Variants in TRNT1 observed in about 807,000 individuals in gnomAD.
TRNT1 encodes the protein CCA tRNA nucleotidyltransferase 1, mitochondrial.
Under a neutral mutation model 45.6 loss-of-function variants are expected in TRNT1, and 44 were observed. The ratio of observed to expected loss-of-function variants is 0.97; its 90% CI spans 0.76 to 1.24. The LOEUF is 1.24. TRNT1 is among the 50% of genes most tolerant of loss of function. TRNT1 has a pLI of 0.00. For synonymous variants in TRNT1, 201 were observed against 171.4 expected (o/e 1.17, Z -1.35); for missense variants, 633 against 504.4 (o/e 1.25, Z -2.44).
At chr3:3,132,744 A>AC (rs1491191206) in intron 2 of TRNT1, among the ~76,000 whole-genome samples, 3 of 124,198 alleles carry the variant, frequency 2.4e-5, no homozygotes, top group African/African-American at 9.5e-5. Flanking sequence ...AAAAAAAAAA[A>AC]CACAAAAAAA....
intron 2 of TRNT1, among the ~76,000 whole-genome samples, chr3:3,132,717 T>G (rs1575041981): frequency 1.1e-5 from 1 of 91,554 alleles, no homozygotes; most frequent in Non-Finnish European, 2.3e-5. Context: ...AAAAAAAACA[T>G]ATACCTATTG....
chr3:3,132,837 T>C (rs562449773), intron 2 of TRNT1, among the ~76,000 whole-genome samples: 40 of 151,664 alleles, frequency 2.6e-4, no homozygotes, highest in Admixed American at 2.4e-3. Context: ...GAGGTGGTGA[T>C]TGCTTCCAGA....
intron 5 of TRNT1, chr3:3,144,976 G>C (rs189532111): frequency 9.3e-6 from 2 of 215,670 alleles, no homozygotes; most frequent in Non-Finnish European, 1.8e-5. Flanking sequence ...TTTTCTTTTT[G>C]ATTGATATTT....
At position 3,148,070 on chromosome 3, in the gene TRNT1, A is replaced by G. The variant is rs1706182910; in HGVS notation, c.1221A>G (p.Leu407=). ...GISSGKEIGA[L]LQQLREQWKK... is the part of the protein sequence containing the mutation. ...CTTCAGGAAAAGAAATTGGGGCTCT[A>G]TTACAACAGTTGCGAGAACAGTGGA... Residue 407 remains leucine, a synonymous_variant, in exon 8 of 8, where the codon CTA becomes CTG. Transcript: ENST00000251607. 1.2e-6 allele frequency: 2 copies of G among 1,613,956 alleles called. No homozygotes were observed. The highest frequency in any genetic ancestry group is 4.5e-5 in the East Asian group (2 of 44,872).
chr3:3,153,151 T>C (rs899712035), downstream of TRNT1: 14 of 412,280 alleles, frequency 3.4e-5, 1 homozygote, highest in South Asian at 2.3e-5. Context: ...CAGTCTAATA[T>C]ATAGATTGTC....
rs1704825513 is a variant in TRNT1 at position 3,129,152 on chromosome 3, C to G, written c.112C>G (p.Gln38Glu). ...AATGAAGTTGCAGTCTCCCGAATTCCAGTCACTTTTCACAGAAGGACTGAA... is the reference window on the plus strand; with the variant it reads ...AATGAAGTTGCAGTCTCCCGAATTCGAGTCACTTTTCACAGAAGGACTGAA... ...FTMKLQSPEF[Q>E]SLFTEGLKSL... The change falls in exon 2 of 8, where the codon CAG becomes GAG. Residue 38 changes from glutamine to glutamate, a missense_variant. Gln to Glu is a conservative substitution (Grantham distance 29). Coordinates refer to ENST00000251607, the MANE Select transcript of TRNT1 (RefSeq NM_182916.3). The G allele has an allele frequency of 1.2e-6, 2 of 1,614,134 alleles. No individual in the cohort carries two copies. Among genetic ancestry groups the G allele is most frequent in the Non-Finnish European group, 8.5e-7 (1 of 1,179,984 alleles).
downstream of TRNT1, chr3:3,149,405 C>CAGTAGTAGTATAGTATAT (rs547896729): frequency 5.1e-4 from 77 of 152,060 alleles, 1 homozygote; most frequent in South Asian, 0.012. Flanking sequence ...AAACCATTTT[C>CAGTAGTAGTATAGTATAT]AGTAGTAGTA....
downstream of TRNT1, chr3:3,150,537 C>A: frequency 1.0e-5 from 2 of 195,318 alleles, no homozygotes; most frequent in South Asian, 8.8e-5. Context: ...TTTTTTAACA[C>A]AGGAAATAAT....
Position 3,140,556 on chromosome 3 carries a change from C to G in TRNT1, c.389C>G (p.Thr130Ser), listed in dbSNP as rs1705581594. Reference sequence around the variant, plus strand: ...ATTACTACACTACGGATTGATGTCACCACTGATGGAAGACATGCTGAGGTA... The same window carrying G: ...ATTACTACACTACGGATTGATGTCAGCACTGATGGAAGACATGCTGAGGTA... ...FEITTLRIDV[T>S]TDGRHAEVEF... Residue 130 changes from threonine to serine, a missense_variant, in exon 4 of 8, where the codon ACC (threonine) becomes AGC (serine). Thr to Ser is a moderately conservative substitution (Grantham distance 58, BLOSUM62 1). Transcript: ENST00000251607. 3 of 1,614,078 alleles carry G rather than the reference C, an allele frequency of 1.9e-6. No individual in the cohort carries two copies. Among genetic ancestry groups the G allele is most frequent in the Non-Finnish European group, 2.5e-6 (3 of 1,179,978 alleles).
downstream of TRNT1, chr3:3,150,502 A>G (rs1706446028): frequency 4.6e-6 from 1 of 215,936 alleles, no homozygotes; most frequent in Non-Finnish European, 9.4e-6. Flanking sequence ...TCAGTTTCAC[A>G]TTGTAGGAAT....
chr3:3,128,048 A>C (rs1449701576), intron 1 of TRNT1: 1 of 152,202 alleles, frequency 6.6e-6, no homozygotes, highest in African/African-American at 2.4e-5. Flanking sequence ...GTAAGTGTGC[A>C]TTGATCTAAA....
In TRNT1 at chr3:3,144,441, A is replaced by C. The variant is rs1705852004; in HGVS notation, c.482-143A>C. 4 of 698,442 alleles carry C rather than the reference A, an allele frequency of 5.7e-6. No homozygotes were observed. The South Asian group carries it at 7.1e-5, about 12-fold the overall frequency. The allele number at this position is 698,442 out of a possible 1,614,324, so 43.3% of individuals were successfully genotyped here. A position where few individuals can be genotyped will look rare whatever the true frequency, so the allele number is the denominator to read the frequency against. On this transcript the variant is annotated intron_variant, in intron 4 of 7. Transcript: ENST00000251607. ...TTTATTGTCTTCCATTTGATAGTTG[A>C]TATGTATGAATACGTATGTGTTTTA...
chr3:3,129,563 C>G (rs1575036535), intron 2 of TRNT1: 2 of 432,164 alleles, frequency 4.6e-6, no homozygotes. Context: ...GCCTGGGCAA[C>G]AGAGTGAGAC....
chr3:3,141,542 A>G lies in TRNT1; in HGVS notation c.481+894A>G, dbSNP rs188397028. Among the ~76,000 whole-genome samples the G allele has an allele frequency of 2.0e-4, 30 of 152,286 alleles. No homozygotes were observed. In the East Asian group the frequency reaches 4.8e-3, roughly 24 times the overall value. ...TAATCAGAGTTGGTATGTAAGATGA[A>G]ACCTATTTATTTCAGCTTAACTTTT... On this transcript the variant is annotated intron_variant, in intron 4 of 7. Transcript: ENST00000251607.
chr3:3,139,152 GATT>G (rs776353488), intron 3 of TRNT1, among the ~76,000 whole-genome samples: 4 of 152,260 alleles, frequency 2.6e-5, no homozygotes, highest in African/African-American at 9.6e-5. Context: ...AACAAGTTCT[GATT>G]ATTTTTGGTT....
At chr3:3,150,532 T>TAACAC (rs1553558009), downstream of TRNT1, 2 of 203,394 alleles carry the variant, frequency 9.8e-6, no homozygotes, top group Non-Finnish European at 2.0e-5. Flanking sequence ...TTTTTTTTTT[T>TAACAC]AACACAGGAA....
intron 2 of TRNT1, chr3:3,130,346 G>A (rs991567510): frequency 5.3e-6 from 1 of 186,958 alleles, no homozygotes; most frequent in Non-Finnish European, 1.1e-5. Flanking sequence ...ACAGAAGATA[G>A]ACGAACCATT....
In TRNT1 at chr3:3,148,703, A is replaced by C. The variant is rs1025318922; in HGVS notation, c.*549A>C. ...TGTACAGGATTTGTTCTAGCAAGCT[A>C]TGCTTCAGTATGTGGTTGATATTTT... On this transcript the variant is annotated 3_prime_UTR_variant, in exon 8 of 8. Coordinates refer to ENST00000251607, the MANE Select transcript of TRNT1 (RefSeq NM_182916.3). 1 of 152,256 alleles carries C rather than the reference A, an allele frequency of 6.6e-6. No individual in the cohort carries two copies. Among genetic ancestry groups the C allele is most frequent in the Non-Finnish European group, 1.5e-5 (1 of 68,082 alleles). 9.4% of individuals were successfully genotyped at this position (152,256 alleles called of 1,614,324 possible).
chr3:3,134,601 AG>A (rs1220569087), intron 2 of TRNT1, among the ~76,000 whole-genome samples: 2 of 152,210 alleles, frequency 1.3e-5, no homozygotes, highest in Non-Finnish European at 1.5e-5. Flanking sequence ...CACTGTTTAT[AG>A]TAAGTTCAAG....
Sources: allele counts gnomAD v4.1 joint callset (sites outside exome capture counted in the v4.1 genomes callset), GRCh38; gene constraint gnomAD v4.1.1; transcripts MANE v1.5; gene names NCBI Gene and HGNC (gene_info 2026-07-23, HGNC 2026-07-21).